APPL1: variants seen among roughly 807,000 people sequenced by gnomAD.
APPL1 encodes adaptor protein, phosphotyrosine interacting with PH domain and leucine zipper 1.
A neutral mutation model predicts 106.8 loss-of-function variants in APPL1; 42 were observed. The observed-to-expected ratio is 0.39, with a 90% CI of 0.31 to 0.51. The LOEUF is 0.51. Among genes scored for constraint, APPL1 ranks in the 20% least tolerant of loss-of-function variants. The pLI, the probability that APPL1 is intolerant of heterozygous loss-of-function variation, is 0.75. For synonymous variants in APPL1, 263 were observed against 281.8 expected, an observed-to-expected ratio of 0.93 and a Z score of 0.67; for missense variants, 769 against 858.2, an observed-to-expected ratio of 0.90 and a Z score of 1.30.
chr3:57,256,688 A>T (rs2060838146), intron 13 of APPL1, among the ~76,000 whole-genome samples: 1 of 152,206 alleles, frequency 6.6e-6, no homozygotes, highest in Non-Finnish European at 1.5e-5. Context: ...AAAGTGTGCA[A>T]CACTTGCAGG....
rs76731092 is a variant in APPL1 at position 57,260,631 on chromosome 3, C to T, written c.1699C>T (p.Pro567Ser). Reference sequence around the variant, plus strand: ...CTTCTGATGTTTTCTGTGGCAGTTTCCATTACCTTGTGTAGTTTTGTATGC... The same window carrying T: ...CTTCTGATGTTTTCTGTGGCAGTTTTCATTACCTTGTGTAGTTTTGTATGC... ...PQTQVTRLTF[P>S]LPCVVLYATH... Residue 567 changes from proline to serine, a missense_variant, in exon 19 of 22, where the codon CCA (proline) becomes TCA (serine). Pro to Ser is a moderately conservative substitution (Grantham distance 74). Coordinates refer to ENST00000288266, the MANE Select transcript of APPL1 (RefSeq NM_012096.3). 4 of 1,604,262 alleles carry T rather than the reference C, an allele frequency of 2.5e-6. No individual in the cohort carries two copies. The highest frequency in any genetic ancestry group is 3.4e-6 in the Non-Finnish European group (4 of 1,174,464).
At chr3:57,251,111 C>G (rs1044057557) in intron 11 of APPL1, among the ~76,000 whole-genome samples, 4 of 151,024 alleles carry the variant, frequency 2.6e-5, no homozygotes, top group Non-Finnish European at 5.9e-5. Context: ...CCGGCCTGAA[C>G]TTTCTTAATT....
chr3:57,260,827 A>G, intron 19 of APPL1, 53 bp downstream of exon 19: 1 of 1,451,568 alleles, frequency 6.9e-7, no homozygotes, highest in Non-Finnish European at 9.2e-7. Flanking sequence ...ATTGATTCTT[A>G]CTAAGATTTA....
intron 13 of APPL1, among the ~76,000 whole-genome samples, chr3:57,254,727 C>A (rs1429993474): frequency 6.6e-6 from 1 of 152,148 alleles, no homozygotes; most frequent in African/African-American, 2.4e-5. Flanking sequence ...CGGGTTCAAG[C>A]GATTCTCCTG....
chr3:57,260,690 T>A lies in APPL1; in HGVS notation c.1758T>A (p.Phe586Leu), dbSNP rs188070352. ...AGGAAAATAAGCGCCTTTTTGGATT[T>A]GTTCTTCGGACATCAAGCGGGAGAA... Reference protein sequence around the residue: ...THQENKRLFGFVLRTSSGRSE... With the variant: ...THQENKRLFGLVLRTSSGRSE... Residue 586 changes from phenylalanine (F) to leucine (L), a missense_variant, in exon 19 of 22, where the codon TTT (phenylalanine) becomes TTA (leucine). By Grantham distance (22) the Phe-to-Leu change is conservative. Transcript: ENST00000288266. The A allele has an allele frequency of 6.2e-7, 1 of 1,613,150 alleles. No homozygotes were observed. The highest frequency in any genetic ancestry group is 2.2e-5 in the East Asian group (1 of 44,806).
In APPL1 at chr3:57,271,104, A is replaced by T. The variant is rs2060935178; in HGVS notation, c.*1417A>T. On this transcript the variant is annotated 3_prime_UTR_variant, in exon 22 of 22. Coordinates refer to ENST00000288266, the MANE Select transcript of APPL1 (RefSeq NM_012096.3). Reference sequence around the variant, plus strand: ...ATTTTTCAAGAGGTTAGCCACTAAGACTTTAATAATTTTACAAGGGAAAAA... The same window carrying T: ...ATTTTTCAAGAGGTTAGCCACTAAGTCTTTAATAATTTTACAAGGGAAAAA... 1 of 152,396 alleles carries T rather than the reference A, an allele frequency of 6.6e-6. No homozygotes were observed. 9.4% of individuals were successfully genotyped at this position (152,396 alleles called of 1,614,324 possible).
At chr3:57,251,032 C>T (rs954473393) in intron 11 of APPL1, among the ~76,000 whole-genome samples, 1 of 148,030 alleles carries the variant, frequency 6.8e-6, no homozygotes, top group African/African-American at 2.4e-5. Context: ...TGGTCTCGAT[C>T]TCCTGACCTC....
At chr3:57,264,991 A>G (rs1224325538) in intron 19 of APPL1, among the ~76,000 whole-genome samples, 1 of 151,968 alleles carries the variant, frequency 6.6e-6, no homozygotes, top group Non-Finnish European at 1.5e-5. Context: ...GAAGAATGCC[A>G]TTGGTTTTTT....
In APPL1 at chr3:57,269,568, G is replaced by A. The variant is rs751227683; in HGVS notation, c.2011G>A (p.Ala671Thr). ...CTTGGAAGAACAAAGTCGGTTGATA[G>A]CTGCTTCCAGTAGACCAAACCAAGC... ...KDLEEQSRLI[A>T]ASSRPNQASS... The change falls in exon 22 of 22, where the codon GCT (alanine) becomes ACT (threonine). Residue 671 changes from alanine to threonine, a missense_variant. Physicochemically the swap from Ala to Thr is moderately conservative, Grantham distance 58 (BLOSUM62 0). Transcript: ENST00000288266. 1 of 1,614,014 alleles carries A rather than the reference G, an allele frequency of 6.2e-7. No homozygotes were observed. The highest frequency in any genetic ancestry group is 1.1e-5 in the South Asian group (1 of 91,034).
chr3:57,228,063 C>A lies in APPL1; in HGVS notation c.54+126C>A. The A allele has an allele frequency of 2.5e-6, 2 of 814,068 alleles. No individual in the cohort carries two copies. Among genetic ancestry groups the A allele is most frequent in the Non-Finnish European group, 3.3e-6 (2 of 612,056 alleles). 50.4% of individuals were successfully genotyped at this position (814,068 alleles called of 1,614,324 possible). On this transcript the variant is annotated intron_variant, in intron 1 of 21. Coordinates refer to ENST00000288266, the MANE Select transcript of APPL1 (RefSeq NM_012096.3). This position sits in a 1 kb window ranked among gnomAD's most constrained non-coding sequence, Gnocchi z 4.6. ...GGGGGCCGCCGCCGCCCTAGGTCAC[C>A]GCCCGTCGCAGGCCGCGCCCGGAGT... is the stretch of plus-strand genomic sequence containing the variant.
chr3:57,252,927 A>G (rs1415048973), intron 12 of APPL1, among the ~76,000 whole-genome samples: 1 of 152,206 alleles, frequency 6.6e-6, no homozygotes, highest in East Asian at 1.9e-4. Flanking sequence ...ATTTGGCATT[A>G]TAATTGTGTT....
At chr3:57,231,222 C>G (rs2060685088) in intron 1 of APPL1, among the ~76,000 whole-genome samples, 1 of 150,750 alleles carries the variant, frequency 6.6e-6, no homozygotes, top group Non-Finnish European at 1.5e-5. Context: ...GTCTGTAATC[C>G]CAGCTACTCG....
At position 57,269,694 on chromosome 3, in the gene APPL1, A is replaced by G. The variant is rs375766377; in HGVS notation, c.*7A>G. ...GAGAGAATCAGAAGCATAAGCTTAT[A>G]CTTTTGGTAGATATTCCCCCTTGGA... On this transcript the variant is annotated 3_prime_UTR_variant, in exon 22 of 22. Coordinates refer to ENST00000288266, the MANE Select transcript of APPL1 (RefSeq NM_012096.3). 16 of 1,613,404 alleles carry G rather than the reference A, an allele frequency of 9.9e-6. No individual in the cohort carries two copies. Among genetic ancestry groups the G allele is most frequent in the Non-Finnish European group, 1.4e-5 (16 of 1,179,658 alleles).
At chr3:57,229,515 C>T (rs1345237992) in intron 1 of APPL1, among the ~76,000 whole-genome samples, 9 of 151,404 alleles carry the variant, frequency 5.9e-5, no homozygotes, top group African/African-American at 2.2e-4. Context: ...TACTAGTGTC[C>T]GTTTTACAAT....
chr3:57,242,761 C>A, intron 6 of APPL1, 95 bp from the exon 7 acceptor site: 2 of 894,396 alleles, frequency 2.2e-6, no homozygotes, highest in Non-Finnish European at 3.6e-6. Flanking sequence ...TGCTTTAGTA[C>A]GTTTGTGGAA....
intron 2 of APPL1, 140 bp from the exon 3 acceptor site, chr3:57,237,352 C>T: frequency 3.3e-6 from 2 of 608,612 alleles, no homozygotes; most frequent in South Asian, 4.0e-5. Flanking sequence ...TGGTAGTACC[C>T]CTTTCCAGTG....
chr3:57,260,429 A>G, intron 18 of APPL1, 199 bp from the exon 19 acceptor site: 1 of 549,182 alleles, frequency 1.8e-6, no homozygotes, highest in Non-Finnish European at 2.9e-6. Context: ...AACAAATGTA[A>G]TATTCAACAA....
chr3:57,257,192 A>G, intron 14 of APPL1, 54 bp from the exon 15 acceptor site: 3 of 1,573,300 alleles, frequency 1.9e-6, no homozygotes, highest in Non-Finnish European at 2.6e-6. Flanking sequence ...TTTGTTAAAT[A>G]TTTAATATCC....
chr3:57,269,818 AT>A lies in APPL1; in HGVS notation c.*135del, dbSNP rs2060923518. The A allele has an allele frequency of 9.3e-7, 1 of 1,076,578 alleles. No homozygotes were observed. Among genetic ancestry groups the A allele is most frequent in the East Asian group, 2.5e-5 (1 of 39,616 alleles). 66.7% of individuals were successfully genotyped at this position (1,076,578 alleles called of 1,614,324 possible). ...ATATTTGCTTATTTGTTGTAGCTACATTTTAAAAAAAAGATTGAACTTGATG... is the reference window on the plus strand; with the variant it reads ...ATATTTGCTTATTTGTTGTAGCTACATTTAAAAAAAAGATTGAACTTGATG... On this transcript the variant is annotated 3_prime_UTR_variant, in exon 22 of 22. Coordinates refer to ENST00000288266, the MANE Select transcript of APPL1 (RefSeq NM_012096.3).
Sources: allele counts gnomAD v4.1 joint callset (sites outside exome capture counted in the v4.1 genomes callset), GRCh38; gene constraint gnomAD v4.1.1; non-coding constraint Gnocchi (gnomAD v3.1); transcripts MANE v1.5; gene names NCBI Gene and HGNC (gene_info 2026-07-23, HGNC 2026-07-21).